Variants in PLCG2 observed in about 807,000 individuals in gnomAD.
PLCG2 encodes 1-phosphatidylinositol 4,5-bisphosphate phosphodiesterase gamma-2.
In PLCG2, 69 loss-of-function variants were observed where a neutral mutation model predicts 175.6. That is an observed-to-expected ratio of 0.39 (90% CI 0.32 to 0.48). The LOEUF is 0.48. Among genes scored for constraint, PLCG2 ranks in the 20% least tolerant of loss-of-function variants. The pLI, the probability that PLCG2 is intolerant of heterozygous loss-of-function variation, is 0.91. For synonymous variants in PLCG2, 827 were observed against 624.0 expected (o/e 1.33, Z -4.85); for missense variants, 1,798 against 1,650.9 (o/e 1.09, Z -1.54).
intron 5 of PLCG2, among the ~76,000 whole-genome samples, chr16:81,860,146 T>C (rs1262523049): frequency 9.8e-6 from 1 of 102,388 alleles, no homozygotes; most frequent in Non-Finnish European, 2.2e-5. Flanking sequence ...TTATTTACTA[T>C]TATTATTATT....
At chr16:81,866,133 G>T (rs75306178) in intron 5 of PLCG2, among the ~76,000 whole-genome samples, 280 of 114,668 alleles carry the variant, frequency 2.4e-3, no homozygotes, top group African/African-American at 9.0e-3. Flanking sequence ...TGCTCCCAGG[G>T]TGAGCTCCAA....
At chr16:81,870,792 A>T in intron 6 of PLCG2, 60 bp from the exon 7 acceptor site, 1 of 872,532 alleles carries the variant, frequency 1.1e-6, no homozygotes, top group Non-Finnish European at 1.8e-6. Context: ...TATAAATAGC[A>T]TGGAGCCATT....
At chr16:81,804,656 T>A (rs921535214) in intron 2 of PLCG2, among the ~76,000 whole-genome samples, 2 of 152,230 alleles carry the variant, frequency 1.3e-5, no homozygotes, top group Non-Finnish European at 2.9e-5. Context: ...CACAGACTTT[T>A]CATCATTTCA....
intron 2 of PLCG2, among the ~76,000 whole-genome samples, chr16:81,849,671 T>C (rs1228240693): frequency 1.3e-5 from 2 of 148,866 alleles, no homozygotes; most frequent in African/African-American, 2.5e-5. Flanking sequence ...CTCGGGAGGC[T>C]GAGGCAGGAG....
At chr16:81,936,631 C>G (rs1910725703) in intron 27 of PLCG2, among the ~76,000 whole-genome samples, 1 of 152,150 alleles carries the variant, frequency 6.6e-6, no homozygotes. Flanking sequence ...GTTAGTCTGG[C>G]TTAGAAAAAG....
intron 5 of PLCG2, among the ~76,000 whole-genome samples, chr16:81,860,082 C>T (rs972840710): frequency 1.3e-5 from 2 of 151,300 alleles, no homozygotes; most frequent in African/African-American, 4.9e-5. Flanking sequence ...ACGATCCTCC[C>T]GCCTCAGCCT....
chr16:81,930,548 G>A (rs1910456763), intron 24 of PLCG2, among the ~76,000 whole-genome samples: 4 of 152,066 alleles, frequency 2.6e-5, no homozygotes, highest in Admixed American at 2.6e-4. Context: ...AGGAGTTCGA[G>A]ACCAGCCCTG....
intron 1 of PLCG2, among the ~76,000 whole-genome samples, chr16:81,755,006 C>G (rs1000620875): frequency 6.6e-6 from 1 of 151,976 alleles, no homozygotes; most frequent in Non-Finnish European, 1.5e-5. Context: ...TGCTTACCCT[C>G]TCTGAGCCCC....
chr16:81,953,173 G>T (rs1374038817), intron 31 of PLCG2, among the ~76,000 whole-genome samples: 2 of 152,228 alleles, frequency 1.3e-5, no homozygotes, highest in Admixed American at 6.5e-5. Context: ...AAACCATACA[G>T]ATTGTAGGAG....
intron 5 of PLCG2, among the ~76,000 whole-genome samples, chr16:81,862,879 A>G (rs529147319): frequency 6.6e-6 from 1 of 152,312 alleles, no homozygotes; most frequent in Non-Finnish European, 1.5e-5. Context: ...CTCAAAAACA[A>G]AAACAAAACA....
intron 2 of PLCG2, among the ~76,000 whole-genome samples, chr16:81,771,116 G>C (rs1209158489): frequency 6.6e-6 from 1 of 151,984 alleles, no homozygotes; most frequent in African/African-American, 2.4e-5. Flanking sequence ...ACAGAGCTCA[G>C]TACATTTTCA....
chr16:81,946,310 G>T, intron 31 of PLCG2, 47 bp downstream of exon 31: 1 of 1,396,228 alleles, frequency 7.2e-7, no homozygotes, highest in Non-Finnish European at 1.0e-6. Flanking sequence ...TATGCCTGCT[G>T]GTGAGGGTAG....
At chr16:81,752,401 A>G (rs988267105) in intron 1 of PLCG2, among the ~76,000 whole-genome samples, 7 of 152,136 alleles carry the variant, frequency 4.6e-5, no homozygotes, top group African/African-American at 1.7e-4. Context: ...TCCTCTTTTA[A>G]GGCTCTCTCT....
At chr16:81,915,173 G>A (rs921511572) in intron 19 of PLCG2, among the ~76,000 whole-genome samples, 1 of 152,170 alleles carries the variant, frequency 6.6e-6, no homozygotes, top group African/African-American at 2.4e-5. Flanking sequence ...GGTGGTGGAG[G>A]GTGAGTAGCT....
At chr16:81,831,849 C>G (rs936959496) in intron 2 of PLCG2, among the ~76,000 whole-genome samples, 4 of 152,224 alleles carry the variant, frequency 2.6e-5, no homozygotes, top group Admixed American at 2.6e-4. Context: ...AGCCATCCCC[C>G]AACTTTGGTT....
intron 11 of PLCG2, among the ~76,000 whole-genome samples, chr16:81,892,761 T>G (rs1908695923): frequency 1.3e-5 from 2 of 152,186 alleles, no homozygotes; most frequent in Non-Finnish European, 2.9e-5. Flanking sequence ...ACCCAGGCAT[T>G]AAGCCTACTT....
At chr16:81,859,348 C>T in intron 5 of PLCG2, 185 bp downstream of exon 5, 3 of 544,804 alleles carry the variant, frequency 5.5e-6, no homozygotes, top group Non-Finnish European at 9.9e-6. Context: ...TGGAGGGAGC[C>T]TCTATTCCGC....
intron 2 of PLCG2, among the ~76,000 whole-genome samples, chr16:81,840,417 G>A (rs1218479708): frequency 6.6e-6 from 1 of 152,168 alleles, no homozygotes; most frequent in Non-Finnish European, 1.5e-5. Flanking sequence ...CATTGATTGT[G>A]TACTTCATTT....
chr16:81,956,813 C>G lies in PLCG2; in HGVS notation c.3689C>G (p.Ala1230Gly). 1 of 1,614,086 alleles carries G rather than the reference C, an allele frequency of 6.2e-7. No individual in the cohort carries two copies. The highest frequency in any genetic ancestry group is 8.5e-7 in the Non-Finnish European group (1 of 1,179,954). The change falls in exon 32 of 33, where the codon GCC becomes GGC. Residue 1230 changes from alanine (A) to glycine (G), a missense_variant. Ala to Gly is a moderately conservative substitution (Grantham distance 60). Transcript: ENST00000564138. ...HQNLRNANRD[A>G]LVKEFSVNEN... ...AACTTGCGCAATGCCAACCGGGATG[C>G]CCTGGTTAAAGAGTTCAGTGTTAAT...
Sources: gnomAD v4.1 joint callset for allele counts (sites outside exome capture counted in the v4.1 genomes callset) on GRCh38, gnomAD v4.1.1 for gene constraint, MANE v1.5 for transcripts, NCBI Gene and HGNC (gene_info 2026-07-23, HGNC 2026-07-21) for gene names.